Variants in NEB observed in about 807,000 individuals in gnomAD.
NEB encodes nebulin, also known as nemaline myopathy type 2.
Under a neutral mutation model 952.2 loss-of-function variants are expected in NEB, and 512 were observed. The ratio of observed to expected loss-of-function variants is 0.54; its 90% CI spans 0.50 to 0.58. The LOEUF is 0.58. Among genes scored for constraint, NEB ranks in the 20% least tolerant of loss-of-function variants. The pLI is 0.00. For missense variants in NEB, 8,428 were observed against 9,231.1 expected (o/e 0.91, Z 3.56); for synonymous variants, 2,900 against 3,149.8 (o/e 0.92, Z 2.66).
At position 151,496,308 on chromosome 2, in the gene NEB, G is replaced by A. The variant is rs763364977; in HGVS notation, c.24454C>T (p.Arg8152Ter). The change falls in exon 173 of 182, where the codon CGA (arginine) becomes TGA (stop). Residue 8152 changes from arginine to a stop codon, truncating the protein, a stop_gained. Transcript: ENST00000397345. LOFTEE classifies it high-confidence loss of function. ...TPLAVTPEME[R>*]VKHNQENISS... ...ATATTTTCTTGATTGTGTTTGACTC[G>A]CTCCATCTCGGGAGTGACAGCTAAA... 4 of 1,611,358 alleles carry A rather than the reference G, an allele frequency of 2.5e-6. No individual in the cohort carries two copies. The highest frequency in any genetic ancestry group is 1.1e-5 in the South Asian group (1 of 90,592).
At chr2:151,729,705 A>T (rs761703396) in intron 3 of NEB, 49 bp from the exon 4 acceptor site, 2 of 1,587,312 alleles carry the variant, frequency 1.3e-6, no homozygotes, top group East Asian at 4.5e-5. Flanking sequence ...AGCAGAAACC[A>T]CCTCTCCTCT....
chr2:151,494,213 G>A lies in NEB; in HGVS notation c.24527C>T (p.Pro8176Leu), dbSNP rs751680308. 8.1e-6 allele frequency: 13 copies of A among 1,607,718 alleles called. No homozygotes were observed. Among genetic ancestry groups the A allele is most frequent in the Non-Finnish European group, 1.1e-5 (13 of 1,176,568 alleles). Reference sequence around the variant, plus strand: ...GACTCTCTGCATCTCAGGAGTGACAGGGGTTGCGGTGGCTTTCCCCACATT... The same window carrying A: ...GACTCTCTGCATCTCAGGAGTGACAAGGGTTGCGGTGGCTTTCCCCACATT... Reference protein sequence around the residue: ...KENVGKATATPVTPEMQRVKR... With the variant: ...KENVGKATATLVTPEMQRVKR... The change falls in exon 174 of 182, where the codon CCT (proline) becomes CTT (leucine). Residue 8176 changes from proline (P) to leucine (L), a missense_variant. By Grantham distance (98) the Pro-to-Leu change is moderately conservative. Around this residue, in one of 11 missense-constraint regions of NEB, gnomAD observed 3,374 missense variants for 3,651.5 expected, o/e 0.92. Transcript: ENST00000397345.
Position 151,630,693 on chromosome 2 carries a change from C to T in NEB, c.9723+22G>A, listed in dbSNP as rs755325245. 1.0e-5 allele frequency: 16 copies of T among 1,552,228 alleles called. No individual in the cohort carries two copies. In the African/African-American group the frequency reaches 2.0e-4, roughly 20 times the overall value. On this transcript the variant is annotated intron_variant, in intron 67 of 181. Coordinates refer to ENST00000397345, the MANE Select transcript of NEB (RefSeq NM_001164508.2). ...TATAGACACCACCACCACAATATAG[C>T]ACCACAGATTTTTGCTCCTACCTCA...
intron 58 of NEB, 56 bp downstream of exon 58, chr2:151,643,094 A>G (rs2154114232): frequency 6.6e-7 from 1 of 1,507,446 alleles, no homozygotes; most frequent in Non-Finnish European, 9.1e-7. Flanking sequence ...AACAGACTTC[A>G]GTGTTTCCAT....
intron 165 of NEB, 111 bp downstream of exon 165, chr2:151,505,367 A>T: frequency 1.1e-6 from 1 of 945,724 alleles, no homozygotes; most frequent in Non-Finnish European, 1.7e-6. Context: ...AATTCACAAC[A>T]TCCCCAAGGC....
chr2:151,615,609 T>C (rs1036319387), intron 76 of NEB, among the ~76,000 whole-genome samples: 2 of 152,236 alleles, frequency 1.3e-5, no homozygotes, highest in Non-Finnish European at 2.9e-5. Context: ...AGTTTACATG[T>C]ATATTGGCTG....
intron 13 of NEB, among the ~76,000 whole-genome samples, chr2:151,701,926 C>G (rs1559423287): frequency 7.3e-6 from 1 of 136,066 alleles, no homozygotes. Flanking sequence ...TGTGTTTGCT[C>G]TTGCTTTTCT....
chr2:151,576,184 G>A lies in NEB; in HGVS notation c.16875C>T (p.Val5625=), dbSNP rs757882235. Residue 5625 remains valine, a synonymous_variant, in exon 106 of 182, where the codon GTC becomes GTT. Coordinates refer to ENST00000397345, the MANE Select transcript of NEB (RefSeq NM_001164508.2). Reference sequence around the variant, plus strand: ...TATTTTCAGCATTTGATTTAGCAAGGACCACTTCAGGTGTGTCAACAATGC... The same window carrying A: ...TATTTTCAGCATTTGATTTAGCAAGAACCACTTCAGGTGTGTCAACAATGC... ...YTSIVDTPEV[V]LAKSNAENIS... is the part of the protein sequence containing the mutation. 4.4e-5 allele frequency: 71 copies of A among 1,603,698 alleles called. No individual in the cohort carries two copies. In the East Asian group the frequency reaches 1.5e-3, roughly 33 times the overall value.
Position 151,519,052 on chromosome 2 carries a change from G to A in NEB, c.22608C>T (p.Asp7536=). 1 of 1,611,658 alleles carries A rather than the reference G, an allele frequency of 6.2e-7. No individual in the cohort carries two copies. The highest frequency in any genetic ancestry group is 8.5e-7 in the Non-Finnish European group (1 of 1,177,884). The part of the protein sequence containing the change: ...NLASEVKYKA[D]LKKLHKPVTD... ...TCACGGGTTTGTGAAGTTTCTTCAGGTCAGCCTTGTATTTAACCTGTGTGT... is the reference window on the plus strand; with the variant it reads ...TCACGGGTTTGTGAAGTTTCTTCAGATCAGCCTTGTATTTAACCTGTGTGT... Residue 7536 remains aspartate, a synonymous_variant, in exon 155 of 182, where the codon GAC becomes GAT. Coordinates refer to ENST00000397345, the MANE Select transcript of NEB (RefSeq NM_001164508.2).
In NEB at chr2:151,633,753, G is replaced by C; in HGVS notation, c.9315C>G (p.Val3105=). The C allele has an allele frequency of 6.2e-7, 1 of 1,613,962 alleles. No individual in the cohort carries two copies. The highest frequency in any genetic ancestry group is 8.5e-7 in the Non-Finnish European group (1 of 1,179,878). The part of the protein sequence containing the change: ...VVLAKKCQTL[V]SDVDYKNYLH... ...GGTAGTTCTTATAGTCCACGTCACT[G>C]ACTAAGGTCTGGCACTTCTTGGCCA... The change falls in exon 65 of 182, where the codon GTC becomes GTG. Residue 3105 remains valine, a synonymous_variant. Transcript: ENST00000397345.
intron 105 of NEB, among the ~76,000 whole-genome samples, chr2:151,577,500 C>T (rs1178976623): frequency 6.6e-6 from 1 of 152,240 alleles, no homozygotes; most frequent in Admixed American, 6.5e-5. Context: ...ATGGATCACT[C>T]TCAGCCATTC....
rs371786629 is a variant in NEB, at chr2:151,567,111, A to G, written c.18156+57T>C. 251 of 1,410,736 alleles carry G rather than the reference A, an allele frequency of 1.8e-4. 1 individual carries two copies. The highest frequency in any genetic ancestry group is 7.6e-4 in the Middle Eastern group (3 of 3,928). The allele number at this position is 1,410,736 out of a possible 1,614,324, so 87.4% of individuals were successfully genotyped here. On this transcript the variant is annotated intron_variant, in intron 114 of 181. Transcript: ENST00000397345. ...CACTTGTGGATCTGGGATGTTGCTCATCATTCTCAGAGTGTACCATGCGTT... is the reference window on the plus strand; with the variant it reads ...CACTTGTGGATCTGGGATGTTGCTCGTCATTCTCAGAGTGTACCATGCGTT...
rs762206319 is a variant in NEB, at chr2:151,655,272, G to GACTA, written c.6801_6804dup (p.Gln2269Ter). The stretch of plus-strand genomic sequence containing the variant: ...AATTAATTTTTATATAAATTTACCT[G>GACTA]ACTATACAGTGTTTGATTCTGCTTG... On this transcript the variant is annotated stop_gained and frameshift_variant, in exon 51 of 182. Transcript: ENST00000397345. LOFTEE classifies it high-confidence loss of function. 6.5e-7 allele frequency: 1 copy of GACTA among 1,530,680 alleles called. No individual in the cohort carries two copies. Among genetic ancestry groups the GACTA allele is most frequent in the Non-Finnish European group, 9.0e-7 (1 of 1,112,342 alleles). The allele number at this position is 1,530,680 out of a possible 1,614,324, so 94.8% of individuals were successfully genotyped here.
chr2:151,570,449 G>A, intron 108 of NEB, 48 bp downstream of exon 108: 3 of 1,584,982 alleles, frequency 1.9e-6, no homozygotes, highest in Admixed American at 1.8e-5. Context: ...ATGCACCTAG[G>A]GCATCGGCTG....
Position 151,663,556 on chromosome 2 carries a change from G to T in NEB, c.5755C>A (p.Gln1919Lys). ...ATGTGGTTTTCACGTACATCACTTT[G>T]AATCTGCATCATATTTTTGGCCAAT... ...FELAKNMMQI[Q>K]SDNQYKADYA... Residue 1919 changes from glutamine (Q) to lysine (K), a missense_variant, in exon 45 of 182, where the codon CAA (glutamine) becomes AAA (lysine). Gln to Lys is a moderately conservative substitution (Grantham distance 53). Transcript: ENST00000397345. 1 of 1,607,688 alleles carries T rather than the reference G, an allele frequency of 6.2e-7. No homozygotes were observed. The highest frequency in any genetic ancestry group is 8.5e-7 in the Non-Finnish European group (1 of 1,174,954).
chr2:151,537,135 G>T lies in NEB; in HGVS notation c.21204C>A (p.Ser7068Arg). ...TLAEKNKTLY[S>R]KYKYKEVFER... ...AATTCTCCTTGAGTATATATACCTT[G>T]CTGTAGAGAGTCTTGTTCTTTTCAG... is the stretch of plus-strand genomic sequence containing the variant. Residue 7068 changes from serine (S) to arginine (R), a missense_variant, in exon 141 of 182, where the codon AGC (serine) becomes AGA (arginine). Ser to Arg is a moderately radical substitution (Grantham distance 110, BLOSUM62 -1). Transcript: ENST00000397345. 1 of 1,601,132 alleles carries T rather than the reference G, an allele frequency of 6.2e-7. No homozygotes were observed. Among genetic ancestry groups the T allele is most frequent in the South Asian group, 1.1e-5 (1 of 90,758 alleles).
At chr2:151,685,076 T>C in intron 27 of NEB, 101 bp from the exon 28 acceptor site, 2 of 1,245,372 alleles carry the variant, frequency 1.6e-6, no homozygotes, top group Non-Finnish European at 2.2e-6. Context: ...AGAGAAAGAG[T>C]CAAACATCTG....
chr2:151,534,460 G>A (rs2092652377), intron 142 of NEB: 1 of 689,974 alleles, frequency 1.4e-6, no homozygotes, highest in African/African-American at 1.8e-5. Context: ...ATAAAAACAG[G>A]GAAGCAAAGA....
Position 151,630,765 on chromosome 2 carries a change from C to T in NEB, c.9673G>A (p.Asp3225Asn). ...CTTGCCAACATAATCTCTGGTGTATCAGGCATTATGTGAATTTGAGTCTTG... is the reference window on the plus strand; with the variant it reads ...CTTGCCAACATAATCTCTGGTGTATTAGGCATTATGTGAATTTGAGTCTTG... ...KDKTQIHIMPDTPEIMLARQN... is the reference protein window; with the variant it reads ...KDKTQIHIMPNTPEIMLARQN... The change falls in exon 67 of 182, where the codon GAT (aspartate) becomes AAT (asparagine). Residue 3225 changes from aspartate (D) to asparagine (N), a missense_variant. Physicochemically the swap from Asp to Asn is conservative, Grantham distance 23 (BLOSUM62 1). Coordinates refer to ENST00000397345, the MANE Select transcript of NEB (RefSeq NM_001164508.2). 3 of 1,611,808 alleles carry T rather than the reference C, an allele frequency of 1.9e-6. No individual in the cohort carries two copies. Among genetic ancestry groups the T allele is most frequent in the Non-Finnish European group, 2.5e-6 (3 of 1,178,858 alleles).
Sources: gnomAD v4.1 joint callset for allele counts (sites outside exome capture counted in the v4.1 genomes callset) on GRCh38, gnomAD v4.1.1 for gene constraint, gnomAD v4.1.1 regional missense constraint, MANE v1.5 for transcripts, NCBI Gene and HGNC (gene_info 2026-07-23, HGNC 2026-07-21) for gene names.